The following POLB variants were observed in gnomAD, a reference collection of about 807,000 sequenced individuals.
POLB encodes the protein DNA polymerase beta.
POLB carries 37 observed loss-of-function variants against 52.7 expected under a neutral mutation model. That is an observed-to-expected ratio of 0.70 (90% CI 0.54 to 0.92). The LOEUF (loss-of-function observed/expected upper bound fraction) is 0.92. Ranked by LOEUF, POLB falls within the 40% of genes least tolerant of loss-of-function variation. The pLI, the probability that POLB is intolerant of heterozygous loss-of-function variation, is 0.00. For synonymous variants in POLB, 138 were observed against 131.3 expected (o/e 1.05, Z -0.35); for missense variants, 313 against 400.8 (o/e 0.78, Z 1.87).
rs779260755 is a variant in POLB at position 42,369,834 on chromosome 8, G to A, written c.774-15G>A. The A allele has an allele frequency of 5.2e-6, 8 of 1,550,076 alleles. No homozygotes were observed. Among genetic ancestry groups the A allele is most frequent in the Non-Finnish European group, 7.0e-6 (8 of 1,145,456 alleles). On this transcript the variant is annotated splice_polypyrimidine_tract_variant and intron_variant, in intron 12 of 13. Coordinates refer to ENST00000265421, the MANE Select transcript of POLB (RefSeq NM_002690.3). Reference sequence around the variant, plus strand: ...TGCATGGTAAAAAAATGTATCTACTGTCCATTTTTTTTAGGTTGATACCCA... The same window carrying A: ...TGCATGGTAAAAAAATGTATCTACTATCCATTTTTTTTAGGTTGATACCCA...
At chr8:42,362,412 G>T (rs181913041) in intron 10 of POLB, among the ~76,000 whole-genome samples, 200 bp from the exon 11 acceptor site, 1 of 151,760 alleles carries the variant, frequency 6.6e-6, no homozygotes, top group East Asian at 1.9e-4. Flanking sequence ...TGTTGTTCCT[G>T]GTACTCTGGA....
rs1187040806 is a variant in POLB, at chr8:42,371,709, C to T, written c.*52C>T. On this transcript the variant is annotated 3_prime_UTR_variant, in exon 14 of 14. Transcript: ENST00000265421. ...ACCCAATAGGAGTCTTAATTTATTT[C>T]TTAACCTTTGCTATGTAAGGGTCTT... is the stretch of plus-strand genomic sequence containing the variant. The T allele has an allele frequency of 9.3e-7, 1 of 1,075,712 alleles. No individual in the cohort carries two copies. Among genetic ancestry groups the T allele is most frequent in the Non-Finnish European group, 1.4e-6 (1 of 693,758 alleles). 66.6% of individuals were successfully genotyped at this position (1,075,712 alleles called of 1,614,324 possible).
At chr8:42,351,229 A>C (rs1822963168) in intron 5 of POLB, among the ~76,000 whole-genome samples, 1 of 152,206 alleles carries the variant, frequency 6.6e-6, no homozygotes, top group Admixed American at 6.5e-5. Flanking sequence ...TTGAATATAG[A>C]ACATGAGTAA....
chr8:42,338,641 CGCCGCA>C lies in POLB; in HGVS notation c.19_24del (p.Pro7_Gln8del), dbSNP rs1422239175. 3.1e-6 allele frequency: 5 copies of C among 1,614,154 alleles called. No individual in the cohort carries two copies. On this transcript the variant is annotated inframe_deletion, in exon 1 of 14. Transcript: ENST00000265421. ...CAGGCCGCCATGAGCAAACGGAAGG[CGCCGCA>C]GGAGACTCTCAACGGGGGAATCACC...
intron 2 of POLB, among the ~76,000 whole-genome samples, chr8:42,343,346 AT>A (rs1457388377): frequency 0.055 from 1,089 of 19,898 alleles, 41 homozygotes; most frequent in Non-Finnish European, 0.069. Flanking sequence ...AAAAAAAAAA[AT>A]ATATATATAT....
chr8:42,361,130 G>A (rs567799336), intron 9 of POLB, 165 bp from the exon 10 acceptor site: 5 of 699,586 alleles, frequency 7.1e-6, no homozygotes, highest in Admixed American at 2.0e-5. Context: ...CTGAATAGTT[G>A]GACAGAAAAT....
At chr8:42,356,938 A>G (rs1255879170) in intron 7 of POLB, among the ~76,000 whole-genome samples, 1 of 152,178 alleles carries the variant, frequency 6.6e-6, no homozygotes, top group Admixed American at 6.6e-5. Flanking sequence ...GGAGCCTTTG[A>G]AATATTACAA....
At chr8:42,338,982 T>C in intron 1 of POLB, 30 bp from the exon 2 acceptor site, 1 of 1,599,196 alleles carries the variant, frequency 6.3e-7, no homozygotes, top group Non-Finnish European at 8.6e-7. Flanking sequence ...TCGTGGTTCT[T>C]GTTCACCCGA....
rs566324034 is a variant in POLB, at chr8:42,338,511, G to C, written c.-114G>C. On this transcript the variant is annotated 5_prime_UTR_variant, in exon 1 of 14. Coordinates refer to ENST00000265421, the MANE Select transcript of POLB (RefSeq NM_002690.3). Reference sequence around the variant, plus strand: ...GGGCAACCATTGTTCCGCCGGTCGCGCCGGAGCTGGGTTGCTCCTGCTCCC... The same window carrying C: ...GGGCAACCATTGTTCCGCCGGTCGCCCCGGAGCTGGGTTGCTCCTGCTCCC... 50 of 895,136 alleles carry C rather than the reference G, an allele frequency of 5.6e-5. No individual in the cohort carries two copies. In the African/African-American group the frequency reaches 7.3e-4, roughly 13 times the overall value. 55.4% of individuals were successfully genotyped at this position (895,136 alleles called of 1,614,324 possible). A position where few individuals can be genotyped will look rare whatever the true frequency, so the allele number is the denominator to read the frequency against.
At chr8:42,341,892 T>G (rs1822225531) in intron 2 of POLB, 3 of 623,162 alleles carry the variant, frequency 4.8e-6, no homozygotes, top group South Asian at 3.2e-5. Flanking sequence ...TTCTTGAGCT[T>G]CTTTTCATAG....
intron 2 of POLB, chr8:42,341,953 T>C: frequency 1.4e-6 from 1 of 709,808 alleles, no homozygotes; most frequent in Non-Finnish European, 2.6e-6. Context: ...TCATCATGTC[T>C]GAAGTTATGC....
At chr8:42,344,915 G>T (rs939144141) in intron 2 of POLB, 38 bp from the exon 3 acceptor site, 1 of 1,285,304 alleles carries the variant, frequency 7.8e-7, no homozygotes. Context: ...GGCCTTGATG[G>T]ATTTCTAATT....
chr8:42,338,762 CGACA>C (rs1822008282), intron 1 of POLB, 77 bp downstream of exon 1: 2 of 1,399,096 alleles, frequency 1.4e-6, no homozygotes, highest in Non-Finnish European at 2.0e-6. Flanking sequence ...TCTCCCACAC[CGACA>C]GTCCAGTGGG....
At chr8:42,361,508 G>A (rs3136771) in intron 10 of POLB, 143 bp downstream of exon 10, 1 of 637,840 alleles carries the variant, frequency 1.6e-6, no homozygotes, top group East Asian at 2.7e-5. Context: ...ATTGAATTCT[G>A]CGAAAGGCAA....
intron 11 of POLB, among the ~76,000 whole-genome samples, chr8:42,367,350 T>C (rs1250343124): frequency 6.6e-6 from 1 of 151,932 alleles, no homozygotes; most frequent in East Asian, 1.9e-4. Flanking sequence ...TATTAAATAG[T>C]GTGGTTGGAG....
At chr8:42,360,192 A>G (rs1196364319) in intron 9 of POLB, among the ~76,000 whole-genome samples, 1 of 151,802 alleles carries the variant, frequency 6.6e-6, no homozygotes, top group Admixed American at 6.6e-5. Flanking sequence ...CCTGACCTCA[A>G]GTGATCCGCC....
intron 2 of POLB, chr8:42,342,326 G>A: frequency 1.3e-6 from 2 of 1,518,180 alleles, no homozygotes; most frequent in Non-Finnish European, 1.8e-6. Context: ...TGGGCCAGCA[G>A]CAGGCCAGTA....
intron 3 of POLB, among the ~76,000 whole-genome samples, chr8:42,347,799 G>C (rs1822727683): frequency 6.6e-6 from 1 of 152,056 alleles, no homozygotes; most frequent in African/African-American, 2.4e-5. Flanking sequence ...TTCCAAACTT[G>C]AATATGCTTT....
chr8:42,370,317 A>C, intron 13 of POLB: 1 of 393,660 alleles, frequency 2.5e-6, no homozygotes, highest in South Asian at 2.0e-5. Context: ...GGACCCCTGA[A>C]AAACTCAAGT....
Sources: allele counts gnomAD v4.1 joint callset (sites outside exome capture counted in the v4.1 genomes callset), GRCh38; gene constraint gnomAD v4.1.1; transcripts MANE v1.5; gene names NCBI Gene and HGNC (gene_info 2026-07-23, HGNC 2026-07-21).